The following ANO6 variants were observed in gnomAD, a reference collection of about 807,000 sequenced individuals.
The protein encoded by ANO6 is anoctamin 6, also known as anoctamin-6.
Under a neutral mutation model 117.5 loss-of-function variants are expected in ANO6, and 106 were observed. The ratio of observed to expected loss-of-function variants is 0.90; its 90% CI spans 0.77 to 1.06. The LOEUF (loss-of-function observed/expected upper bound fraction) is 1.06, where lower values mean the gene tolerates loss of function less well. Ranked by LOEUF, ANO6 falls within the 50% of genes least tolerant of loss-of-function variation. ANO6 has a pLI of 0.00. For missense variants in ANO6, 955 were observed against 1,121.1 expected, an observed-to-expected ratio of 0.85 and a Z score of 2.12; for synonymous variants, 367 against 385.1, an observed-to-expected ratio of 0.95 and a Z score of 0.55.
chr12:45,336,739 A>T (rs1399258128), intron 3 of ANO6, among the ~76,000 whole-genome samples: 5 of 152,086 alleles, frequency 3.3e-5, no homozygotes, highest in Non-Finnish European at 5.9e-5. Context: ...AATATATTTT[A>T]AAAGTATACT....
At chr12:45,309,458 TG>T (rs534860048) in intron 2 of ANO6, among the ~76,000 whole-genome samples, 20 of 152,084 alleles carry the variant, frequency 1.3e-4, no homozygotes, top group Non-Finnish European at 2.8e-4. Flanking sequence ...CTTACTTCCT[TG>T]CCCTGAGGTG....
At chr12:45,405,173 TA>T (rs2137641519) in intron 15 of ANO6, among the ~76,000 whole-genome samples, 1 of 152,130 alleles carries the variant, frequency 6.6e-6, no homozygotes, top group East Asian at 1.9e-4. Context: ...TCCAGATAAG[TA>T]AAAGTAGGTC....
At chr12:45,333,160 A>G (rs182445258) in intron 3 of ANO6, among the ~76,000 whole-genome samples, 117 of 152,178 alleles carry the variant, frequency 7.7e-4, no homozygotes, top group African/African-American at 2.7e-3. Context: ...ATAAAATAAC[A>G]TATAGATGTT....
At chr12:45,301,112 G>A (rs1592935993) in intron 1 of ANO6, among the ~76,000 whole-genome samples, 1 of 152,174 alleles carries the variant, frequency 6.6e-6, no homozygotes, top group African/African-American at 2.4e-5. Context: ...ACACTGGATT[G>A]CTAAGACTTA....
chr12:45,232,926 C>T (rs1048935439), intron 1 of ANO6, among the ~76,000 whole-genome samples: 9 of 152,108 alleles, frequency 5.9e-5, no homozygotes, highest in Admixed American at 2.0e-4. Context: ...GTGTAGCTTC[C>T]GGAAGTTTCC....
intron 2 of ANO6, among the ~76,000 whole-genome samples, chr12:45,319,531 A>T (rs1210197673): frequency 6.6e-6 from 1 of 152,212 alleles, no homozygotes; most frequent in East Asian, 1.9e-4. Flanking sequence ...TATTTTATTG[A>T]GGATTTTCAC....
intron 1 of ANO6, among the ~76,000 whole-genome samples, chr12:45,283,220 C>T (rs184352329): frequency 3.3e-5 from 5 of 152,308 alleles, no homozygotes; most frequent in Admixed American, 3.3e-4. Flanking sequence ...GATAGTGATA[C>T]ATTTCCTAAG....
intron 7 of ANO6, among the ~76,000 whole-genome samples, chr12:45,354,029 T>G (rs758056436): frequency 1.3e-5 from 2 of 151,966 alleles, no homozygotes; most frequent in Non-Finnish European, 2.9e-5. Context: ...ATAATAGGAT[T>G]GTGAGAAACC....
chr12:45,260,913 G>A (rs1286808266), intron 1 of ANO6, among the ~76,000 whole-genome samples: 1 of 151,966 alleles, frequency 6.6e-6, no homozygotes, highest in Non-Finnish European at 1.5e-5. Context: ...TCTGCTTCTT[G>A]AGTAACGAGG....
chr12:45,365,810 C>T, intron 8 of ANO6, among the ~76,000 whole-genome samples: 1 of 147,386 alleles, frequency 6.8e-6, no homozygotes, highest in Non-Finnish European at 1.5e-5. Context: ...CAGATGACAT[C>T]AAGCACTTGC....
chr12:45,240,367 T>TTTTTTG, intron 1 of ANO6, among the ~76,000 whole-genome samples: 1 of 93,656 alleles, frequency 1.1e-5, no homozygotes, highest in African/African-American at 6.5e-5. Flanking sequence ...TTTTTTTTTT[T>TTTTTTG]TTTTTTTTTT....
chr12:45,252,348 T>G (rs1017717193), intron 1 of ANO6, among the ~76,000 whole-genome samples: 3 of 152,212 alleles, frequency 2.0e-5, no homozygotes, highest in Non-Finnish European at 4.4e-5. Context: ...TTATCCTCAG[T>G]ATAACAGGTG....
At chr12:45,400,891 G>T (rs1942767787) in intron 12 of ANO6, among the ~76,000 whole-genome samples, 1 of 152,232 alleles carries the variant, frequency 6.6e-6, no homozygotes, top group South Asian at 2.1e-4. Context: ...GAAAGTAGAT[G>T]TAGGGGAAAC....
At chr12:45,364,898 A>G (rs1941646124) in intron 8 of ANO6, among the ~76,000 whole-genome samples, 2 of 152,332 alleles carry the variant, frequency 1.3e-5, no homozygotes, top group East Asian at 3.9e-4. Flanking sequence ...TAATGTAGCA[A>G]ATCTGGAAAT....
At chr12:45,387,670 A>G (rs1942334803) in intron 10 of ANO6, among the ~76,000 whole-genome samples, 1 of 152,180 alleles carries the variant, frequency 6.6e-6, no homozygotes, top group Admixed American at 6.5e-5. Context: ...AGTATCTCCT[A>G]TAATTTAGAT....
chr12:45,336,846 A>G (rs934257120), intron 3 of ANO6, among the ~76,000 whole-genome samples: 1 of 152,180 alleles, frequency 6.6e-6, no homozygotes, highest in South Asian at 2.1e-4. Context: ...TTCAGGAGGT[A>G]TTCCAAAAGA....
intron 1 of ANO6, among the ~76,000 whole-genome samples, chr12:45,293,344 A>C (rs1471670844): frequency 6.6e-6 from 1 of 152,178 alleles, no homozygotes; most frequent in Non-Finnish European, 1.5e-5. Context: ...GAGAAGAAAA[A>C]CAATGACCAC....
At chr12:45,345,352 T>C (rs1018546459) in intron 3 of ANO6, among the ~76,000 whole-genome samples, 2 of 152,212 alleles carry the variant, frequency 1.3e-5, no homozygotes, top group African/African-American at 4.8e-5. Flanking sequence ...TATGGGATTT[T>C]TTTTATGTTC....
intron 1 of ANO6, among the ~76,000 whole-genome samples, chr12:45,223,101 C>G (rs184332481): frequency 1.3e-5 from 2 of 152,336 alleles, no homozygotes; most frequent in East Asian, 3.9e-4. Context: ...TCATCTTTAT[C>G]TTTTATAATA....
Sources: allele counts gnomAD v4.1 joint callset (sites outside exome capture counted in the v4.1 genomes callset), GRCh38; gene constraint gnomAD v4.1.1; transcripts MANE v1.5; gene names NCBI Gene and HGNC (gene_info 2026-07-23, HGNC 2026-07-21).